The following BACE2 variants were observed in gnomAD, a reference collection of about 807,000 sequenced individuals.
The protein encoded by BACE2 is beta-secretase 2.
In BACE2, 17 loss-of-function variants were observed where a neutral mutation model predicts 46.2. The observed-to-expected ratio is 0.37, with a 90% CI of 0.25 to 0.55. The LOEUF (loss-of-function observed/expected upper bound fraction) is 0.55. BACE2 is among the 20% of genes least tolerant of loss of function. The pLI, the probability that BACE2 is intolerant of heterozygous loss-of-function variation, is 0.82. For missense variants in BACE2, 595 were observed against 698.1 expected (o/e 0.85, Z 1.66); for synonymous variants, 277 against 295.9 (o/e 0.94, Z 0.66).
chr21:41,179,137 G>T, intron 1 of BACE2: 1 of 1,254,040 alleles, frequency 8.0e-7, no homozygotes, highest in Non-Finnish European at 1.0e-6. Flanking sequence ...AGGGTGTCAG[G>T]GTGAGGAGTG....
At chr21:41,227,155 A>G (rs1601287592) in intron 2 of BACE2, among the ~76,000 whole-genome samples, 1 of 152,266 alleles carries the variant, frequency 6.6e-6, no homozygotes, top group South Asian at 2.1e-4. Context: ...TGTCACAACT[A>G]TTTTTACGAT....
rs1237785685 is a variant in BACE2 at position 41,281,188 on chromosome 21, C to A, written c.*5564C>A. 1.3e-5 allele frequency: 2 copies of A among 152,212 alleles called. No homozygotes were observed. The highest frequency in any genetic ancestry group is 2.9e-5 in the Non-Finnish European group (2 of 68,040). 9.4% of individuals were successfully genotyped at this position (152,212 alleles called of 1,614,324 possible). On this transcript the variant is annotated 3_prime_UTR_variant, in exon 9 of 9. Transcript: ENST00000330333. ...TGGATAATTGTTTGTGTAAGACCAA[C>A]CAGATAAAGTCCAAACTGTGTAGAA...
chr21:41,198,465 T>C (rs1184061518), intron 1 of BACE2, among the ~76,000 whole-genome samples: 6 of 152,200 alleles, frequency 3.9e-5, no homozygotes, highest in Non-Finnish European at 7.3e-5. Flanking sequence ...TCCTAGAATA[T>C]CACAGATGCT....
At chr21:41,200,119 A>G (rs776804305) in intron 1 of BACE2, among the ~76,000 whole-genome samples, 1 of 151,906 alleles carries the variant, frequency 6.6e-6, no homozygotes, top group Non-Finnish European at 1.5e-5. Flanking sequence ...CAGCACACCA[A>G]CATGGCACAT....
intron 8 of BACE2, among the ~76,000 whole-genome samples, chr21:41,273,748 C>T (rs977055723): frequency 6.6e-6 from 1 of 152,066 alleles, no homozygotes; most frequent in Non-Finnish European, 1.5e-5. Context: ...TAGGAAATCA[C>T]AAGAGTATTG....
chr21:41,244,127 G>C lies in BACE2; in HGVS notation c.882+617G>C, dbSNP rs150031903. On this transcript the variant is annotated intron_variant, in intron 5 of 8. Transcript: ENST00000330333. The stretch of plus-strand genomic sequence containing the variant: ...ACATTATGATTATGATGACTTGTGA[G>C]AGCCTCAGTCTTCTATAGCACTTTT... Among the ~76,000 whole-genome samples, 387 of 152,316 alleles carry C rather than the reference G, an allele frequency of 2.5e-3. 3 individuals are homozygous for C. Among genetic ancestry groups the C allele is most frequent in the African/African-American group, 7.7e-3 (320 of 41,552 alleles).
chr21:41,242,105 C>T (rs1420647119), intron 4 of BACE2, among the ~76,000 whole-genome samples, 158 bp downstream of exon 4: 1 of 151,962 alleles, frequency 6.6e-6, no homozygotes, highest in Non-Finnish European at 1.5e-5. Flanking sequence ...TTAGAAATGG[C>T]TAAAATTAGG....
At chr21:41,257,056 G>T in intron 7 of BACE2, 102 bp from the exon 8 acceptor site, 1 of 1,334,014 alleles carries the variant, frequency 7.5e-7, no homozygotes, top group Non-Finnish European at 1.1e-6. Flanking sequence ...TCCCCCCAGC[G>T]CCTGGGAGGG....
chr21:41,249,821 C>T lies in BACE2; in HGVS notation c.985-931C>T, dbSNP rs1601307944. Among the ~76,000 whole-genome samples the T allele has an allele frequency of 2.6e-5, 4 of 152,148 alleles. No homozygotes were observed. In the South Asian group the frequency reaches 6.2e-4, roughly 24 times the overall value. ...GCCGGCAGACCCAGGGTGGACTGCTCGGGGCCTGCCTGTGAGGTCACACAG... is the reference window on the plus strand; with the variant it reads ...GCCGGCAGACCCAGGGTGGACTGCTTGGGGCCTGCCTGTGAGGTCACACAG... On this transcript the variant is annotated intron_variant, in intron 6 of 8. Transcript: ENST00000330333.
chr21:41,254,787 C>T (rs1338156359), intron 7 of BACE2, among the ~76,000 whole-genome samples: 1 of 152,260 alleles, frequency 6.6e-6, no homozygotes, highest in African/African-American at 2.4e-5. Flanking sequence ...AATAGCAGAA[C>T]TGCTGACCCA....
At chr21:41,184,507 C>G (rs1352193324) in intron 1 of BACE2, 3 of 167,088 alleles carry the variant, frequency 1.8e-5, no homozygotes, top group African/African-American at 7.2e-5. Context: ...CATATGTACT[C>G]TTTGAGTGTT....
chr21:41,185,688 C>A (rs1204862160), intron 1 of BACE2, among the ~76,000 whole-genome samples: 2 of 152,232 alleles, frequency 1.3e-5, no homozygotes, highest in Non-Finnish European at 2.9e-5. Context: ...GCCTATAATA[C>A]CGATGCTGAG....
intron 1 of BACE2, among the ~76,000 whole-genome samples, chr21:41,169,214 C>T (rs900211164): frequency 1.3e-5 from 2 of 151,936 alleles, no homozygotes; most frequent in Admixed American, 6.6e-5. Flanking sequence ...CTCGCTCATC[C>T]GGCGGCCCTG....
In BACE2 at chr21:41,226,370, T is replaced by G; in HGVS notation, c.401+16T>G. On this transcript the variant is annotated intron_variant, in intron 2 of 8. Transcript: ENST00000330333. The stretch of plus-strand genomic sequence containing the variant: ...ACACAGAGAGGTAAGCGCTGGCCCC[T>G]TGGCTGGTGTGCTGGGCCGGGGCAC... 6.2e-7 allele frequency: 1 copy of G among 1,607,164 alleles called. No individual in the cohort carries two copies. The highest frequency in any genetic ancestry group is 1.3e-5 in the African/African-American group (1 of 74,762).
At chr21:41,218,422 G>A (rs377703145) in intron 1 of BACE2, among the ~76,000 whole-genome samples, 1 of 152,188 alleles carries the variant, frequency 6.6e-6, no homozygotes, top group African/African-American at 2.4e-5. Flanking sequence ...AAGCCCTTGG[G>A]GAAGATGGTG....
chr21:41,223,952 T>G (rs1350345609), intron 1 of BACE2, among the ~76,000 whole-genome samples: 4 of 152,036 alleles, frequency 2.6e-5, no homozygotes, highest in Admixed American at 1.3e-4. Context: ...CCCGGGAAAG[T>G]TCAGCAGGGT....
intron 7 of BACE2, among the ~76,000 whole-genome samples, chr21:41,251,413 C>A (rs1410015900): frequency 6.6e-6 from 1 of 152,210 alleles, no homozygotes; most frequent in African/African-American, 2.4e-5. Context: ...AGCCGCATTG[C>A]CAAGGGTGTG....
chr21:41,171,490 T>C (rs1984608207), intron 1 of BACE2, among the ~76,000 whole-genome samples: 1 of 152,254 alleles, frequency 6.6e-6, no homozygotes. Flanking sequence ...GCGTGTGTGC[T>C]GGCAGGCAGG....
chr21:41,279,993 G>A lies in BACE2; in HGVS notation c.*4369G>A, dbSNP rs1463675067. 2 of 152,210 alleles carry A rather than the reference G, an allele frequency of 1.3e-5. No individual in the cohort carries two copies. The highest frequency in any genetic ancestry group is 2.9e-5 in the Non-Finnish European group (2 of 68,080). 9.4% of individuals were successfully genotyped at this position (152,210 alleles called of 1,614,324 possible). On this transcript the variant is annotated 3_prime_UTR_variant, in exon 9 of 9. Coordinates refer to ENST00000330333, the MANE Select transcript of BACE2 (RefSeq NM_012105.5). ...CCGTGGGCACCTCATTTCACCCCACGTTTTTGGCACAGTCTACTTTTTAGG... is the reference window on the plus strand; with the variant it reads ...CCGTGGGCACCTCATTTCACCCCACATTTTTGGCACAGTCTACTTTTTAGG...
Sources: allele counts gnomAD v4.1 joint callset (sites outside exome capture counted in the v4.1 genomes callset), GRCh38; gene constraint gnomAD v4.1.1; transcripts MANE v1.5; gene names NCBI Gene and HGNC (gene_info 2026-07-23, HGNC 2026-07-21).